Variants in THRB observed in about 807,000 individuals in gnomAD.
THRB encodes the protein nuclear receptor subfamily 1 group A member 2.
In THRB, 12 loss-of-function variants were observed where a neutral mutation model predicts 47.8. The ratio of observed to expected loss-of-function variants is 0.25; its 90% CI spans 0.16 to 0.41. The LOEUF (loss-of-function observed/expected upper bound fraction) is 0.41. Among genes scored for constraint, THRB ranks in the 10% least tolerant of loss-of-function variants. THRB has a pLI of 1.00. For missense variants in THRB, 348 were observed against 589.2 expected (o/e 0.59, Z 4.24); for synonymous variants, 218 against 212.2 (o/e 1.03, Z -0.24).
chr3:24,255,771 T>C (rs1185705811), intron 3 of THRB, among the ~76,000 whole-genome samples: 1 of 152,240 alleles, frequency 6.6e-6, no homozygotes. Context: ...GACAGGAGAC[T>C]GGCCGGGCAG....
At chr3:24,455,628 T>G (rs1202580590) in intron 1 of THRB, among the ~76,000 whole-genome samples, 2 of 152,182 alleles carry the variant, frequency 1.3e-5, no homozygotes, top group Admixed American at 6.5e-5. Context: ...TCAAAAATAT[T>G]TTTTACTTCT....
At chr3:24,426,335 T>C (rs1008221397) in intron 1 of THRB, among the ~76,000 whole-genome samples, 1 of 151,936 alleles carries the variant, frequency 6.6e-6, no homozygotes, top group African/African-American at 2.4e-5. Flanking sequence ...TATTGGTAGT[T>C]ATATAAAATT....
At chr3:24,321,643 T>C (rs568529162) in intron 2 of THRB, among the ~76,000 whole-genome samples, 61 of 152,106 alleles carry the variant, frequency 4.0e-4, no homozygotes, top group African/African-American at 1.4e-3. Flanking sequence ...TTTTTTTTTT[T>C]CTGGGAGGAA....
At chr3:24,357,619 T>C (rs1411145164) in intron 1 of THRB, among the ~76,000 whole-genome samples, 1 of 152,018 alleles carries the variant, frequency 6.6e-6, no homozygotes, top group Admixed American at 6.6e-5. Context: ...ATGTTATCTA[T>C]CTTTCTCATT....
chr3:24,303,887 A>G (rs575762481), intron 2 of THRB, among the ~76,000 whole-genome samples: 39 of 152,328 alleles, frequency 2.6e-4, no homozygotes, highest in Non-Finnish European at 5.4e-4. Flanking sequence ...GATTGGACAA[A>G]TATTTCGATA....
intron 3 of THRB, among the ~76,000 whole-genome samples, chr3:24,278,501 C>A (rs771241935): frequency 6.6e-6 from 1 of 152,112 alleles, no homozygotes; most frequent in Non-Finnish European, 1.5e-5. Flanking sequence ...CCTATTTTTG[C>A]TTCTGAATAG....
intron 3 of THRB, among the ~76,000 whole-genome samples, chr3:24,270,295 A>T (rs1224688355): frequency 6.6e-6 from 1 of 152,212 alleles, no homozygotes; most frequent in Non-Finnish European, 1.5e-5. Flanking sequence ...TAATCTTTAA[A>T]CACATTTTAA....
chr3:24,148,424 G>T (rs952492031), intron 6 of THRB, among the ~76,000 whole-genome samples: 1 of 152,168 alleles, frequency 6.6e-6, no homozygotes, highest in Non-Finnish European at 1.5e-5. Context: ...ACCACGCCTG[G>T]CTAATTTTTG....
At chr3:24,194,532 A>G (rs1473040529) in intron 4 of THRB, among the ~76,000 whole-genome samples, 5 of 152,206 alleles carry the variant, frequency 3.3e-5, no homozygotes, top group Non-Finnish European at 7.3e-5. Flanking sequence ...AGAACAAAAT[A>G]AAATAATAAC....
intron 5 of THRB, among the ~76,000 whole-genome samples, chr3:24,176,898 A>T (rs112374857): frequency 1.3e-4 from 20 of 152,250 alleles, no homozygotes; most frequent in African/African-American, 4.3e-4. Flanking sequence ...ATATACTAAC[A>T]ATCATTGAAC....
rs1165830799 is a variant in THRB, at chr3:24,122,707, G to A, written c.*177C>T. 2.5e-6 allele frequency: 2 copies of A among 805,898 alleles called. No homozygotes were observed. The highest frequency in any genetic ancestry group is 5.2e-5 in the East Asian group (2 of 38,140). 49.9% of individuals were successfully genotyped at this position (805,898 alleles called of 1,614,324 possible). The stretch of plus-strand genomic sequence containing the variant: ...CAGGACCGGAGAACGAAATGCAATA[G>A]TTTCAAGTACCCGCATTCAAGGGGC... On this transcript the variant is annotated 3_prime_UTR_variant, in exon 11 of 11. Transcript: ENST00000646209.
At chr3:24,469,080 C>A (rs1438517161) in intron 1 of THRB, among the ~76,000 whole-genome samples, 1 of 152,136 alleles carries the variant, frequency 6.6e-6, no homozygotes, top group Non-Finnish European at 1.5e-5. Flanking sequence ...ACTACTAATT[C>A]TTCAAAACAA....
intron 2 of THRB, among the ~76,000 whole-genome samples, chr3:24,336,218 C>A (rs1436343656): frequency 6.6e-6 from 1 of 152,154 alleles, no homozygotes; most frequent in African/African-American, 2.4e-5. Flanking sequence ...AGACAGGGGG[C>A]CCCAAGGGAG....
At chr3:24,334,175 C>T (rs988309975) in intron 2 of THRB, among the ~76,000 whole-genome samples, 13 of 152,172 alleles carry the variant, frequency 8.5e-5, no homozygotes, top group African/African-American at 3.1e-4. Flanking sequence ...GTCAAAATGC[C>T]CTACTGCAAT....
intron 3 of THRB, among the ~76,000 whole-genome samples, chr3:24,232,221 A>G (rs943888654): frequency 1.3e-5 from 2 of 152,204 alleles, no homozygotes; most frequent in South Asian, 2.1e-4. Flanking sequence ...TCCCTTTGAC[A>G]TGGGTCATTC....
chr3:24,216,783 G>A (rs571358519), intron 4 of THRB, among the ~76,000 whole-genome samples: 10 of 152,186 alleles, frequency 6.6e-5, no homozygotes, highest in East Asian at 5.8e-4. Context: ...AAGAATTTAC[G>A]AATGTTCTGA....
intron 1 of THRB, among the ~76,000 whole-genome samples, chr3:24,358,791 C>T (rs1209323307): frequency 2.6e-5 from 4 of 152,118 alleles, no homozygotes; most frequent in African/African-American, 9.7e-5. Flanking sequence ...TCAGAAACCA[C>T]TGAACCAGTC....
At position 24,419,008 on chromosome 3, in the gene THRB, C is replaced by T. The variant is rs557770664; in HGVS notation, c.-261+75644G>A. ...CCATACCTGCAGTGCCCATGACAGA[C>T]ATCACTAATAAATCATGGGCATTCT... On this transcript the variant is annotated intron_variant, in intron 1 of 10. Transcript: ENST00000646209. Among the ~76,000 whole-genome samples the T allele has an allele frequency of 4.6e-5, 7 of 152,030 alleles. No homozygotes were observed. In the East Asian group the frequency reaches 1.4e-3, roughly 30 times the overall value.
chr3:24,125,079 T>C (rs2032480120), intron 10 of THRB, among the ~76,000 whole-genome samples: 1 of 152,228 alleles, frequency 6.6e-6, no homozygotes, highest in Admixed American at 6.5e-5. Flanking sequence ...ACTTTTCCTT[T>C]TATCTACCTT....
Sources: gnomAD v4.1 joint callset for allele counts (sites outside exome capture counted in the v4.1 genomes callset) on GRCh38, gnomAD v4.1.1 for gene constraint, MANE v1.5 for transcripts, NCBI Gene and HGNC (gene_info 2026-07-23, HGNC 2026-07-21) for gene names.